Variants in FLI1 observed in about 807,000 individuals in gnomAD.
FLI1 encodes the protein Friend leukemia integration 1 transcription factor.
FLI1 carries 13 observed loss-of-function variants against 53.1 expected under a neutral mutation model. That is an observed-to-expected ratio of 0.24 (90% CI 0.16 to 0.39). FLI1 has a LOEUF of 0.39. Ranked by LOEUF, FLI1 falls within the 10% of genes least tolerant of loss-of-function variation. The pLI is 1.00. For missense variants in FLI1, 424 were observed against 600.5 expected, an observed-to-expected ratio of 0.71 and a Z score of 3.07; for synonymous variants, 244 against 236.7, an observed-to-expected ratio of 1.03 and a Z score of -0.28.
chr11:128,776,261 A>G (rs2135851574), intron 4 of FLI1, among the ~76,000 whole-genome samples: 1 of 152,204 alleles, frequency 6.6e-6, no homozygotes, highest in South Asian at 2.1e-4. Flanking sequence ...GAGCTGTGTC[A>G]CACGCCACAC....
At chr11:128,797,039 C>T (rs1942465911) in intron 5 of FLI1, among the ~76,000 whole-genome samples, 1 of 152,242 alleles carries the variant, frequency 6.6e-6, no homozygotes, top group Non-Finnish European at 1.5e-5. Context: ...CACCTGTCCA[C>T]TTCTGCTACA....
chr11:128,737,017 A>G (rs1024545831), intron 1 of FLI1, among the ~76,000 whole-genome samples: 1 of 152,244 alleles, frequency 6.6e-6, no homozygotes, highest in African/African-American at 2.4e-5. Context: ...AAACATTTTC[A>G]AAAAGATGTA....
intron 1 of FLI1, among the ~76,000 whole-genome samples, chr11:128,757,376 T>G (rs1325083057): frequency 6.6e-6 from 1 of 152,088 alleles, no homozygotes; most frequent in African/African-American, 2.4e-5. Context: ...GTGTCTGAGG[T>G]TCCTCTTTCG....
chr11:128,724,016 C>T (rs1200143748), intron 1 of FLI1, among the ~76,000 whole-genome samples: 1 of 141,422 alleles, frequency 7.1e-6, no homozygotes, highest in African/African-American at 2.6e-5. Context: ...CATCTGGGCT[C>T]ACTGTAACCT....
chr11:128,763,083 C>T (rs1941188701), intron 2 of FLI1, among the ~76,000 whole-genome samples: 1 of 152,228 alleles, frequency 6.6e-6, no homozygotes, highest in Non-Finnish European at 1.5e-5. Context: ...TCCTTGACAG[C>T]ATGGGCTTCT....
At chr11:128,687,520 C>T (rs1392783821) in intron 1 of FLI1, among the ~76,000 whole-genome samples, 1 of 152,008 alleles carries the variant, frequency 6.6e-6, no homozygotes, top group Non-Finnish European at 1.5e-5. Flanking sequence ...AAGGACTCTC[C>T]GCAGTGCTGC....
chr11:128,774,869 A>G (rs527726933), intron 4 of FLI1, among the ~76,000 whole-genome samples: 17 of 152,210 alleles, frequency 1.1e-4, no homozygotes, highest in Non-Finnish European at 1.9e-4. Flanking sequence ...CAAATGCCTG[A>G]GAAGGTGGTC....
intron 4 of FLI1, among the ~76,000 whole-genome samples, chr11:128,776,648 C>G (rs942507285): frequency 6.6e-6 from 1 of 152,176 alleles, no homozygotes; most frequent in Non-Finnish European, 1.5e-5. Context: ...GAGGCTCTGT[C>G]TTCAGAGGAA....
chr11:128,763,986 A>C (rs192009691), intron 2 of FLI1, among the ~76,000 whole-genome samples: 55 of 152,338 alleles, frequency 3.6e-4, no homozygotes, highest in Middle Eastern at 3.4e-3. Context: ...CATACTACGC[A>C]GGAGTTACAC....
At chr11:128,796,685 G>A (rs1160600686) in intron 5 of FLI1, among the ~76,000 whole-genome samples, 1 of 152,214 alleles carries the variant, frequency 6.6e-6, no homozygotes, top group Non-Finnish European at 1.5e-5. Flanking sequence ...AAAAGAAGGA[G>A]TGCTCTTGGC....
intron 5 of FLI1, among the ~76,000 whole-genome samples, chr11:128,794,374 G>A (rs1942367741): frequency 6.6e-6 from 1 of 152,214 alleles, no homozygotes; most frequent in Non-Finnish European, 1.5e-5. Flanking sequence ...ACCACATGGA[G>A]GTTATTTGAG....
chr11:128,738,007 A>T (rs1939978697), intron 1 of FLI1, among the ~76,000 whole-genome samples: 1 of 152,234 alleles, frequency 6.6e-6, no homozygotes, highest in African/African-American at 2.4e-5. Context: ...GAAGGGATCA[A>T]CAAGACGAGG....
chr11:128,809,160 C>A lies in FLI1; in HGVS notation c.785C>A (p.Pro262Gln). ...KNTEQRPQPD[P>Q]YQILGPTSSR... ...ATTTCCTTTTTTATTTCCTTAGATCCGTATCAGATCCTGGGCCCGACCAGC... is the reference window on the plus strand; with the variant it reads ...ATTTCCTTTTTTATTTCCTTAGATCAGTATCAGATCCTGGGCCCGACCAGC... Residue 262 changes from proline to glutamine, a missense_variant, in exon 8 of 9, where the codon CCG (proline) becomes CAG (glutamine). Pro to Gln is a moderately conservative substitution (Grantham distance 76, BLOSUM62 -1). Transcript: ENST00000527786. 6.2e-7 allele frequency: 1 copy of A among 1,613,544 alleles called. No individual in the cohort carries two copies. Among genetic ancestry groups the A allele is most frequent in the Non-Finnish European group, 8.5e-7 (1 of 1,179,578 alleles).
At chr11:128,793,026 G>A (rs1419773818) in intron 5 of FLI1, among the ~76,000 whole-genome samples, 3 of 152,102 alleles carry the variant, frequency 2.0e-5, no homozygotes, top group African/African-American at 7.2e-5. Context: ...GCTCAGGTGG[G>A]AGTATTGCTC....
At chr11:128,702,589 C>T (rs1458832899) in intron 1 of FLI1, among the ~76,000 whole-genome samples, 2 of 152,166 alleles carry the variant, frequency 1.3e-5, no homozygotes, top group Admixed American at 6.5e-5. Context: ...GGGCCAGGCA[C>T]GGTGGCTCAC....
Position 128,758,206 on chromosome 11 carries a change from C to T in FLI1, c.110C>T (p.Ser37Leu), listed in dbSNP as rs1402939267. 3.1e-6 allele frequency: 5 copies of T among 1,613,190 alleles called. No individual in the cohort carries two copies. The highest frequency in any genetic ancestry group is 4.2e-6 in the Non-Finnish European group (5 of 1,179,532). The change falls in exon 2 of 9, where the codon TCG becomes TTG. Residue 37 changes from serine (S) to leucine (L), a missense_variant. Ser to Leu is a moderately radical substitution (Grantham distance 145, BLOSUM62 -2). Transcript: ENST00000527786. ...CTCCCCAAGGCCGACATGACTGCCT[C>T]GGGGAGTCCTGACTACGGGCAGCCC... is the stretch of plus-strand genomic sequence containing the variant. ...AHLPKADMTA[S>L]GSPDYGQPHK...
intron 1 of FLI1, among the ~76,000 whole-genome samples, chr11:128,704,818 T>C (rs914921625): frequency 6.6e-6 from 1 of 152,218 alleles, no homozygotes; most frequent in Non-Finnish European, 1.5e-5. Context: ...GAGAAAGAGA[T>C]GCTCATCTTT....
Position 128,807,225 on chromosome 11 carries a change from A to G in FLI1, c.767A>G (p.Gln256Arg). 6.3e-7 allele frequency: 1 copy of G among 1,599,402 alleles called. No individual in the cohort carries two copies. Among genetic ancestry groups the G allele is most frequent in the South Asian group, 1.1e-5 (1 of 88,038 alleles). ...CAAACGATCAGTAAGAATACAGAGCAACGGCCCCAGCCAGGTACCTGCCCA... is the reference window on the plus strand; with the variant it reads ...CAAACGATCAGTAAGAATACAGAGCGACGGCCCCAGCCAGGTACCTGCCCA... Reference protein sequence around the residue: ...GAQTISKNTEQRPQPDPYQIL... With the variant: ...GAQTISKNTERRPQPDPYQIL... The change falls in exon 7 of 9, where the codon CAA (glutamine) becomes CGA (arginine). Residue 256 changes from glutamine to arginine, a missense_variant. Transcript: ENST00000527786.
chr11:128,742,409 C>T (rs1940177304), intron 1 of FLI1, among the ~76,000 whole-genome samples: 1 of 152,178 alleles, frequency 6.6e-6, no homozygotes, highest in African/African-American at 2.4e-5. Flanking sequence ...TGTTTTATGG[C>T]CCCATTGTGA....
Sources: gnomAD v4.1 joint callset for allele counts (sites outside exome capture counted in the v4.1 genomes callset) on GRCh38, gnomAD v4.1.1 for gene constraint, MANE v1.5 for transcripts, NCBI Gene and HGNC (gene_info 2026-07-23, HGNC 2026-07-21) for gene names.